SPON1: variants seen among roughly 807,000 people sequenced by gnomAD.
SPON1 encodes spondin-1.
SPON1 carries 52 observed loss-of-function variants against 111.7 expected under a neutral mutation model. The ratio of observed to expected loss-of-function variants is 0.47; its 90% CI spans 0.37 to 0.59. The LOEUF (loss-of-function observed/expected upper bound fraction) is 0.59. Among genes scored for constraint, SPON1 ranks in the 20% least tolerant of loss-of-function variants. The probability of loss-of-function intolerance (pLI) is 0.00; values close to 1 mark genes in which losing one functional copy is unlikely to be tolerated. For missense variants in SPON1, 957 were observed against 1,068.5 expected (o/e 0.90, Z 1.46); for synonymous variants, 410 against 395.8 (o/e 1.04, Z -0.43).
chr11:14,021,856 G>T (rs1372287047), intron 2 of SPON1, among the ~76,000 whole-genome samples: 1 of 152,206 alleles, frequency 6.6e-6, no homozygotes, highest in Admixed American at 6.5e-5. Context: ...TCAATGGCTT[G>T]CGTCTCTAAA....
chr11:14,107,408 G>A (rs7481845), intron 5 of SPON1, among the ~76,000 whole-genome samples: 5 of 151,916 alleles, frequency 3.3e-5, no homozygotes, highest in African/African-American at 7.3e-5. Context: ...CCGGCTGTCC[G>A]TACTCCAGCG....
chr11:14,250,736 G>T (rs1849044570), intron 7 of SPON1, among the ~76,000 whole-genome samples: 1 of 152,104 alleles, frequency 6.6e-6, no homozygotes, highest in African/African-American at 2.4e-5. Context: ...AAATTTTTAT[G>T]ACAGTTTGAA....
intron 6 of SPON1, among the ~76,000 whole-genome samples, chr11:14,241,082 C>CA (rs1848921049): frequency 6.6e-6 from 1 of 151,856 alleles, no homozygotes; most frequent in African/African-American, 2.4e-5. Flanking sequence ...CCTGCACACA[C>CA]ACACACACAT....
chr11:14,139,988 A>G (rs370080691), intron 6 of SPON1, among the ~76,000 whole-genome samples: 194 of 152,342 alleles, frequency 1.3e-3, no homozygotes, highest in African/African-American at 4.3e-3. Flanking sequence ...ATTGTGGCAC[A>G]AAAGGAGGCT....
intron 3 of SPON1, among the ~76,000 whole-genome samples, chr11:14,065,065 A>AC (rs1848821594): frequency 6.6e-6 from 1 of 151,658 alleles, no homozygotes; most frequent in African/African-American, 2.4e-5. Flanking sequence ...GAGAACAGTG[A>AC]CCCCCCTCCC....
chr11:14,111,535 G>T (rs918536688), intron 5 of SPON1, among the ~76,000 whole-genome samples: 1 of 152,130 alleles, frequency 6.6e-6, no homozygotes. Context: ...ATCTAATAAG[G>T]TTACTCAGAA....
intron 6 of SPON1, among the ~76,000 whole-genome samples, chr11:14,183,821 A>G (rs554749665): frequency 2.8e-4 from 43 of 152,296 alleles, no homozygotes; most frequent in African/African-American, 1.0e-3. Context: ...TCCTCTGCTT[A>G]CTGGTTTGGA....
chr11:14,177,926 C>G (rs1848195403), intron 6 of SPON1, among the ~76,000 whole-genome samples: 1 of 152,104 alleles, frequency 6.6e-6, no homozygotes, highest in Admixed American at 6.6e-5. Context: ...TGTAAGAATT[C>G]CAAAAGTATT....
At chr11:14,110,240 A>G (rs1849217352) in intron 5 of SPON1, among the ~76,000 whole-genome samples, 1 of 152,124 alleles carries the variant, frequency 6.6e-6, no homozygotes, top group African/African-American at 2.4e-5. Context: ...ATCTAATACC[A>G]TCAGCCACCC....
chr11:14,172,678 G>A (rs1164699057), intron 6 of SPON1, among the ~76,000 whole-genome samples: 3 of 151,656 alleles, frequency 2.0e-5, no homozygotes, highest in African/African-American at 7.2e-5. Context: ...GCTCTTTTAG[G>A]GCAGGCCTGG....
Position 13,963,046 on chromosome 11 carries a change from C to T in SPON1, c.142C>T (p.Leu48=). 1 of 1,582,718 alleles carries T rather than the reference C, an allele frequency of 6.3e-7. No individual in the cohort carries two copies. The highest frequency in any genetic ancestry group is 8.6e-7 in the Non-Finnish European group (1 of 1,165,852). ...PKSEGYCSRI[L]RAQGTRREGY... is the part of the protein sequence containing the mutation. ...GTCAGAGGGCTACTGCAGCCGTATC[C>T]TGCGCGCCCAGGGCACGCGGCGCGA... The change falls in exon 1 of 16, where the codon CTG becomes TTG. Residue 48 remains leucine (L), a synonymous_variant. Coordinates refer to ENST00000576479, the MANE Select transcript of SPON1 (RefSeq NM_006108.4).
chr11:14,142,867 C>G (rs1428178174), intron 6 of SPON1, among the ~76,000 whole-genome samples: 1 of 152,196 alleles, frequency 6.6e-6, no homozygotes, highest in African/African-American at 2.4e-5. Flanking sequence ...AAAACCCTCA[C>G]GAAAGCTGGA....
intron 4 of SPON1, among the ~76,000 whole-genome samples, chr11:14,077,385 T>C (rs1444413568): frequency 6.6e-6 from 1 of 151,818 alleles, no homozygotes; most frequent in Non-Finnish European, 1.5e-5. Context: ...AACAAAATAT[T>C]CAAAAAAGTG....
chr11:14,162,319 A>G (rs1190949354), intron 6 of SPON1, among the ~76,000 whole-genome samples: 1 of 152,198 alleles, frequency 6.6e-6, no homozygotes, highest in African/African-American at 2.4e-5. Flanking sequence ...CTCCATTCCA[A>G]TTCAAATGAG....
chr11:14,210,418 G>A (rs563026256), intron 6 of SPON1, among the ~76,000 whole-genome samples: 1 of 139,454 alleles, frequency 7.2e-6, no homozygotes, highest in South Asian at 2.2e-4. Flanking sequence ...TGTTTTTGTC[G>A]AAGTCTCACT....
rs377190468 is a variant in SPON1, at chr11:14,262,904, G to A, written c.2189G>A (p.Arg730His). ...CLRNPSIQKL[R>H]WREARESRRS... ...CGAAATCCATCCATCCAAAAGCTAC[G>A]CTGGAGGGAGGCCCGAGAGAGCCGG... The change falls in exon 15 of 16, where the codon CGC (arginine) becomes CAC (histidine). Residue 730 changes from arginine to histidine, a missense_variant. By Grantham distance (29) the Arg-to-His change is conservative (BLOSUM62 0). Around this residue, in one of 5 missense-constraint regions of SPON1, gnomAD observed 549 missense variants for 606.2 expected, o/e 0.91. Transcript: ENST00000576479. The A allele has an allele frequency of 2.7e-5, 44 of 1,613,862 alleles. No individual in the cohort carries two copies. The highest frequency in any genetic ancestry group is 2.0e-4 in the East Asian group (9 of 44,868).
At chr11:14,223,017 G>A (rs1243698244) in intron 6 of SPON1, among the ~76,000 whole-genome samples, 1 of 152,196 alleles carries the variant, frequency 6.6e-6, no homozygotes, top group Non-Finnish European at 1.5e-5. Flanking sequence ...CACAGCCAGA[G>A]CCTCTCAGAA....
intron 3 of SPON1, among the ~76,000 whole-genome samples, chr11:14,073,328 A>T (rs1848892011): frequency 6.6e-6 from 1 of 152,186 alleles, no homozygotes; most frequent in African/African-American, 2.4e-5. Context: ...TTTAACTGTG[A>T]CCTGATACAT....
chr11:14,174,422 A>C (rs370125086), intron 6 of SPON1, among the ~76,000 whole-genome samples: 4 of 152,334 alleles, frequency 2.6e-5, no homozygotes, highest in African/African-American at 9.6e-5. Context: ...AATGTGAAGT[A>C]ATTTGATACC....
Sources: allele counts gnomAD v4.1 joint callset (sites outside exome capture counted in the v4.1 genomes callset), GRCh38; gene constraint gnomAD v4.1.1; regional missense constraint gnomAD v4.1.1; transcripts MANE v1.5; gene names NCBI Gene and HGNC (gene_info 2026-07-23, HGNC 2026-07-21).